CIBAR1: variants seen among roughly 807,000 people sequenced by gnomAD.
CIBAR1 encodes the protein CBY1 interacting BAR domain containing 1, also known as CBY1-interacting BAR domain-containing protein 1.
Under a neutral mutation model 44.0 loss-of-function variants are expected in CIBAR1, and 25 were observed. That is an observed-to-expected ratio of 0.57 (90% confidence interval 0.41 to 0.79). CIBAR1 has a LOEUF of 0.79. Among genes scored for constraint, CIBAR1 ranks in the 30% least tolerant of loss-of-function variants. CIBAR1 has a pLI of 0.00. For synonymous variants in CIBAR1, 115 were observed against 119.0 expected (o/e 0.97, Z 0.22); for missense variants, 278 against 344.8 (o/e 0.81, Z 1.53).
At chr8:93,725,341 A>AT (rs1169748643) in intron 7 of CIBAR1, among the ~76,000 whole-genome samples, 1 of 152,194 alleles carries the variant, frequency 6.6e-6, no homozygotes, top group Non-Finnish European at 1.5e-5. Context: ...TATTTTAGGT[A>AT]TAAGTAGTAG....
At chr8:93,701,599 G>C in intron 2 of CIBAR1, 141 bp downstream of exon 2, 3 of 700,616 alleles carry the variant, frequency 4.3e-6, no homozygotes, top group Non-Finnish European at 7.3e-6. Context: ...TCATAAGACT[G>C]TGTGAGTCTA....
rs1456305680 is a variant in CIBAR1, at chr8:93,731,228, C to T, written c.*2931C>T. On this transcript the variant is annotated 3_prime_UTR_variant, in exon 9 of 9. Coordinates refer to ENST00000518322, the MANE Select transcript of CIBAR1 (RefSeq NM_145269.5). Reference sequence around the variant, plus strand: ...CTCTTATCTACCACCACCATCCCACCTCAGCCCAGTTTGAAATGCAATTCC... The same window carrying T: ...CTCTTATCTACCACCACCATCCCACTTCAGCCCAGTTTGAAATGCAATTCC... 6.6e-6 allele frequency: 1 copy of T among 152,224 alleles called. No individual in the cohort carries two copies. Among genetic ancestry groups the T allele is most frequent in the Non-Finnish European group, 1.5e-5 (1 of 68,036 alleles). 9.4% of individuals were successfully genotyped at this position (152,224 alleles called of 1,614,324 possible).
chr8:93,707,888 A>G, intron 4 of CIBAR1, 123 bp from the exon 5 acceptor site: 1 of 539,312 alleles, frequency 1.9e-6, no homozygotes. Flanking sequence ...CATAATTGAT[A>G]TATGGTTACA....
At chr8:93,723,157 T>C (rs1424024143) in intron 7 of CIBAR1, among the ~76,000 whole-genome samples, 1 of 152,156 alleles carries the variant, frequency 6.6e-6, no homozygotes, top group Non-Finnish European at 1.5e-5. Context: ...CCACCTCGCC[T>C]GGCTAATTTT....
At chr8:93,722,790 CAT>C (rs762474263) in intron 7 of CIBAR1, among the ~76,000 whole-genome samples, 38 of 152,016 alleles carry the variant, frequency 2.5e-4, no homozygotes, top group Non-Finnish European at 5.4e-4. Flanking sequence ...GATCTTGGAC[CAT>C]GTTGGAAAAT....
At chr8:93,721,477 TG>T (rs1304817201) in intron 7 of CIBAR1, among the ~76,000 whole-genome samples, 2 of 152,192 alleles carry the variant, frequency 1.3e-5, no homozygotes, top group Admixed American at 6.5e-5. Context: ...AAGTAGTTTG[TG>T]GGAGAAGAGC....
In CIBAR1 at chr8:93,713,000, G is replaced by C. The variant is rs139988904; in HGVS notation, c.543+3125G>C. 3.3e-3 allele frequency among the ~76,000 whole-genome samples: 488 copies of C among 145,908 alleles called. 3 individuals are homozygous for C. The highest frequency in any genetic ancestry group is 8.8e-3 in the African/African-American group (349 of 39,460). The stretch of plus-strand genomic sequence containing the variant: ...TATCTGCCTTGAACAAATGGCTATT[G>C]AGATCCTTTACCCTTTTTTTCTCCT... On this transcript the variant is annotated intron_variant, in intron 6 of 8. Coordinates refer to ENST00000518322, the MANE Select transcript of CIBAR1 (RefSeq NM_145269.5).
chr8:93,702,364 A>G (rs1267136061), intron 2 of CIBAR1: 4 of 386,298 alleles, frequency 1.0e-5, no homozygotes, highest in Non-Finnish European at 2.1e-5. Context: ...TAATGTTTCA[A>G]AGATAATTTA....
At chr8:93,701,540 A>G (rs1810357469) in intron 2 of CIBAR1, 82 bp downstream of exon 2, 1 of 1,186,768 alleles carries the variant, frequency 8.4e-7, no homozygotes, top group Non-Finnish European at 1.2e-6. Flanking sequence ...TTTCACTTGT[A>G]ATCTACCTAA....
At chr8:93,728,092 CATT>C in intron 8 of CIBAR1, 110 bp from the exon 9 acceptor site, 1 of 531,706 alleles carries the variant, frequency 1.9e-6, no homozygotes, top group Non-Finnish European at 3.0e-6. Context: ...ATGACATGGA[CATT>C]TTTTTGAAAT....
chr8:93,712,557 C>G (rs1348714351), intron 6 of CIBAR1, among the ~76,000 whole-genome samples: 2 of 151,852 alleles, frequency 1.3e-5, no homozygotes, highest in African/African-American at 4.8e-5. Context: ...GGATATATAC[C>G]CAGGAGTGGA....
chr8:93,714,155 T>C (rs2130335316), intron 6 of CIBAR1, among the ~76,000 whole-genome samples: 1 of 152,362 alleles, frequency 6.6e-6, no homozygotes, highest in East Asian at 1.9e-4. Flanking sequence ...CTATTTGTAG[T>C]TTTCAGAATA....
At chr8:93,701,809 G>T (rs1434524332) in intron 2 of CIBAR1, 6 of 235,050 alleles carry the variant, frequency 2.6e-5, no homozygotes, top group Non-Finnish European at 5.0e-5. Context: ...ACGTTTTAAA[G>T]AATGACTGGA....
At chr8:93,707,372 C>T (rs1810635821) in intron 4 of CIBAR1, 2 of 201,016 alleles carry the variant, frequency 9.9e-6, no homozygotes, top group East Asian at 1.5e-4. Context: ...CTACACATAT[C>T]CCGGTTATGG....
chr8:93,726,625 A>G, intron 8 of CIBAR1, 112 bp downstream of exon 8: 2 of 1,244,830 alleles, frequency 1.6e-6, no homozygotes. Flanking sequence ...CCTCCCCTGG[A>G]CCTATTTCTT....
rs1459218127 is a variant in CIBAR1 at position 93,718,739 on chromosome 8, C to G, written c.608C>G (p.Thr203Ser). ...LFHGKALEVY[T>S]AAYQNIQNID... ...CACGGCAAAGCTTTAGAGGTCTACA[C>G]TGCTGCCTACCAGAATATACAAAAC... Residue 203 changes from threonine (T) to serine (S), a missense_variant, in exon 7 of 9, where the codon ACT becomes AGT. Around this residue, in one of 3 missense-constraint regions of CIBAR1, gnomAD observed 93 missense variants for 108.9 expected, o/e 0.85. Transcript: ENST00000518322. 11 of 1,574,752 alleles carry G rather than the reference C, an allele frequency of 7.0e-6. No homozygotes were observed. Among genetic ancestry groups the G allele is most frequent in the Non-Finnish European group, 8.6e-6 (10 of 1,158,402 alleles).
intron 3 of CIBAR1, 148 bp downstream of exon 3, chr8:93,703,836 G>A (rs976185401): frequency 3.5e-6 from 2 of 571,062 alleles, no homozygotes; most frequent in African/African-American, 2.0e-5. Context: ...AGGTCGAGGC[G>A]GGCGGATCAC....
rs540851353 is a variant in CIBAR1, at chr8:93,712,578, T to C, written c.543+2703T>C. Among the ~76,000 whole-genome samples the C allele has an allele frequency of 2.6e-5, 4 of 152,286 alleles. No individual in the cohort carries two copies. In the East Asian group the frequency reaches 7.7e-4, roughly 29 times the overall value. ...ATACCCAGGAGTGGAATTGCTGGAT[T>C]ATTTGTAACTTTATGCTTAAGCATT... On this transcript the variant is annotated intron_variant, in intron 6 of 8. Transcript: ENST00000518322.
intron 7 of CIBAR1, 65 bp from the exon 8 acceptor site, chr8:93,726,329 C>T: frequency 7.3e-7 from 1 of 1,375,486 alleles, no homozygotes; most frequent in South Asian, 1.6e-5. Flanking sequence ...AACTAAGGAA[C>T]TTAATTTGAC....
Sources: gnomAD v4.1 joint callset for allele counts (sites outside exome capture counted in the v4.1 genomes callset) on GRCh38, gnomAD v4.1.1 for gene constraint, gnomAD v4.1.1 regional missense constraint, MANE v1.5 for transcripts, NCBI Gene and HGNC (gene_info 2026-07-23, HGNC 2026-07-21) for gene names.